Variants in ADAMTSL1 observed in about 807,000 individuals in gnomAD.
The protein encoded by ADAMTSL1 is ADAMTS like 1.
In ADAMTSL1, 126 loss-of-function variants were observed where a neutral mutation model predicts 201.8. That is an observed-to-expected ratio of 0.62 (90% CI 0.54 to 0.72). ADAMTSL1 has a LOEUF of 0.72. Among genes scored for constraint, ADAMTSL1 ranks in the 30% least tolerant of loss-of-function variants. ADAMTSL1 has a pLI of 0.00. For missense variants in ADAMTSL1, 2,679 were observed against 2,277.8 expected, an observed-to-expected ratio of 1.18 and a Z score of -3.59; for synonymous variants, 1,121 against 903.4, an observed-to-expected ratio of 1.24 and a Z score of -4.32.
At chr9:18,794,901 C>A (rs1588123345) in intron 19 of ADAMTSL1, among the ~76,000 whole-genome samples, 1 of 152,220 alleles carries the variant, frequency 6.6e-6, no homozygotes. Flanking sequence ...CTCAGCCTCC[C>A]AAAGTGCTGG....
At chr9:18,619,262 A>G (rs912166950) in intron 4 of ADAMTSL1, among the ~76,000 whole-genome samples, 2 of 152,212 alleles carry the variant, frequency 1.3e-5, no homozygotes, top group Non-Finnish European at 2.9e-5. Context: ...AGATATGTCA[A>G]GTATGATTAT....
At chr9:17,997,338 A>G (rs565403170) in intron 1 of ADAMTSL1, among the ~76,000 whole-genome samples, 1 of 152,206 alleles carries the variant, frequency 6.6e-6, no homozygotes, top group African/African-American at 2.4e-5. Context: ...GTGCCCAGTT[A>G]TCTTGCCAAA....
At chr9:18,867,214 A>G (rs1270479140) in intron 23 of ADAMTSL1, among the ~76,000 whole-genome samples, 1 of 152,252 alleles carries the variant, frequency 6.6e-6, no homozygotes, top group Admixed American at 6.5e-5. Flanking sequence ...TTGAGCACAA[A>G]TGAAAGTAAT....
chr9:18,428,834 C>T (rs1220269178), intron 2 of ADAMTSL1, among the ~76,000 whole-genome samples: 2 of 152,168 alleles, frequency 1.3e-5, no homozygotes, highest in Admixed American at 6.6e-5. Context: ...CCATAAAAGG[C>T]CATTGGGCCC....
chr9:18,315,229 A>G (rs1834334357), intron 2 of ADAMTSL1, among the ~76,000 whole-genome samples: 1 of 152,146 alleles, frequency 6.6e-6, no homozygotes, highest in Non-Finnish European at 1.5e-5. Context: ...CTAGACACGA[A>G]GTGCTGACTG....
At position 18,622,300 on chromosome 9, in the gene ADAMTSL1, T is replaced by C; in HGVS notation, c.532T>C (p.Cys178Arg). ...STVKEDNCGV[C>R]NGDGSTCRLV... ...CGTCAAGGAAGATAACTGTGGGGTC[T>C]GCAACGGAGATGGGTCCACCTGCCG... Residue 178 changes from cysteine to arginine, a missense_variant, in exon 5 of 29, where the codon TGC becomes CGC. Coordinates refer to ENST00000380548, the MANE Select transcript of ADAMTSL1 (RefSeq NM_001040272.6). 1 of 1,614,076 alleles carries C rather than the reference T, an allele frequency of 6.2e-7. No homozygotes were observed. Among genetic ancestry groups the C allele is most frequent in the Non-Finnish European group, 8.5e-7 (1 of 1,179,952 alleles).
At chr9:18,850,238 C>T (rs1826404440) in intron 23 of ADAMTSL1, among the ~76,000 whole-genome samples, 1 of 152,232 alleles carries the variant, frequency 6.6e-6, no homozygotes, top group Non-Finnish European at 1.5e-5. Context: ...TGTGCCCTCC[C>T]TGCCATGTCC....
chr9:18,633,415 C>T (rs1047282770), intron 5 of ADAMTSL1, among the ~76,000 whole-genome samples: 2 of 152,006 alleles, frequency 1.3e-5, no homozygotes, highest in Non-Finnish European at 2.9e-5. Context: ...GATGGTGAAA[C>T]CCCGTCTCTA....
rs76042646 is a variant in ADAMTSL1 at position 18,284,544 on chromosome 9, G to T, written c.207+120563G>T. Among the ~76,000 whole-genome samples, 545 of 152,266 alleles carry T rather than the reference G, an allele frequency of 3.6e-3. 11 individuals are homozygous for T. Among genetic ancestry groups the T allele is most frequent in the Admixed American group, 0.023 (356 of 15,290 alleles). ...TTTCTTATGATAAATGAGGAAACAGGTGTAAATAACAGAGTTAGAAAGTAG... is the reference window on the plus strand; with the variant it reads ...TTTCTTATGATAAATGAGGAAACAGTTGTAAATAACAGAGTTAGAAAGTAG... On this transcript the variant is annotated intron_variant, in intron 2 of 29. Transcript: ENST00000680146.
At chr9:18,866,213 C>CAGTGAAACA (rs1027285103) in intron 23 of ADAMTSL1, among the ~76,000 whole-genome samples, 3 of 150,482 alleles carry the variant, frequency 2.0e-5, no homozygotes, top group African/African-American at 7.4e-5. Flanking sequence ...TTCTCATTAG[C>CAGTGAAACA]AGTGAAACAT....
chr9:18,395,958 C>T (rs1363738879), intron 2 of ADAMTSL1, among the ~76,000 whole-genome samples: 1 of 152,184 alleles, frequency 6.6e-6, no homozygotes, highest in Admixed American at 6.6e-5. Flanking sequence ...AAATTACTTA[C>T]TCCCTTTTAG....
At chr9:18,459,051 G>A (rs990029790) in intron 2 of ADAMTSL1, among the ~76,000 whole-genome samples, 1 of 152,164 alleles carries the variant, frequency 6.6e-6, no homozygotes, top group African/African-American at 2.4e-5. Context: ...GGGAAAAGGT[G>A]GGATCTTATC....
intron 1 of ADAMTSL1, among the ~76,000 whole-genome samples, chr9:17,913,697 C>T (rs1475350356): frequency 6.6e-6 from 1 of 152,122 alleles, no homozygotes. Flanking sequence ...GAAATAGACA[C>T]ACAAAAAACC....
intron 2 of ADAMTSL1, among the ~76,000 whole-genome samples, chr9:18,201,477 A>G (rs754858874): frequency 5.3e-5 from 8 of 152,220 alleles, no homozygotes; most frequent in Non-Finnish European, 1.2e-4. Context: ...ATTTTGCCAT[A>G]TATTCTTGGA....
chr9:18,557,821 C>T (rs1821194292), intron 3 of ADAMTSL1, among the ~76,000 whole-genome samples: 1 of 152,022 alleles, frequency 6.6e-6, no homozygotes, highest in Admixed American at 6.6e-5. Flanking sequence ...TGCAATCTAT[C>T]AATCTCACCC....
chr9:18,200,500 C>T (rs1263140247), intron 2 of ADAMTSL1, among the ~76,000 whole-genome samples: 1 of 152,028 alleles, frequency 6.6e-6, no homozygotes, highest in African/African-American at 2.4e-5. Flanking sequence ...CAGCTATACA[C>T]AGATAATAAA....
chr9:17,982,333 G>A (rs1489621841), intron 1 of ADAMTSL1, among the ~76,000 whole-genome samples: 1 of 152,174 alleles, frequency 6.6e-6, no homozygotes, highest in Non-Finnish European at 1.5e-5. Context: ...AATAAAACCA[G>A]GCCAGGTGTG....
chr9:18,875,573 G>C (rs895870844), intron 23 of ADAMTSL1, among the ~76,000 whole-genome samples: 1 of 152,070 alleles, frequency 6.6e-6, no homozygotes, highest in Admixed American at 6.5e-5. Flanking sequence ...GTTCCTTTTG[G>C]AGTTGATGTC....
At chr9:18,831,037 C>A (rs1337431584) in intron 23 of ADAMTSL1, among the ~76,000 whole-genome samples, 1 of 152,166 alleles carries the variant, frequency 6.6e-6, no homozygotes, top group African/African-American at 2.4e-5. Flanking sequence ...ATCAACATGG[C>A]CACAGGGGCC....
Sources: allele counts gnomAD v4.1 joint callset (sites outside exome capture counted in the v4.1 genomes callset), GRCh38; gene constraint gnomAD v4.1.1; transcripts MANE v1.5; gene names NCBI Gene and HGNC (gene_info 2026-07-23, HGNC 2026-07-21).